The following BRAP variants were observed in gnomAD, a reference collection of about 807,000 sequenced individuals.
BRAP encodes BRCA1-associated protein.
Under a neutral mutation model 73.4 loss-of-function variants are expected in BRAP, and 42 were observed. The ratio of observed to expected loss-of-function variants is 0.57; its 90% CI spans 0.45 to 0.74. The LOEUF is 0.74. Ranked by LOEUF, BRAP falls within the 30% of genes least tolerant of loss-of-function variation. BRAP has a pLI of 0.00. For missense variants in BRAP, 593 were observed against 751.4 expected, an observed-to-expected ratio of 0.79 and a Z score of 2.46; for synonymous variants, 255 against 267.4, an observed-to-expected ratio of 0.95 and a Z score of 0.45.
intron 2 of BRAP, among the ~76,000 whole-genome samples, chr12:111,682,409 G>A (rs1215083953): frequency 6.7e-6 from 1 of 148,854 alleles, no homozygotes; most frequent in Non-Finnish European, 1.5e-5. Flanking sequence ...GAGAGAGGAA[G>A]GAGAATTGCT....
In BRAP at chr12:111,683,147, T is replaced by C; in HGVS notation, c.243A>G (p.Pro81=). 1 of 1,612,620 alleles carries C rather than the reference T, an allele frequency of 6.2e-7. No homozygotes were observed. Among genetic ancestry groups the C allele is most frequent in the South Asian group, 1.1e-5 (1 of 90,700 alleles). The change falls in exon 2 of 12, where the codon CCA becomes CCG. Residue 81 remains proline (P), a splice_region_variant and synonymous_variant. Coordinates refer to ENST00000419234, the MANE Select transcript of BRAP (RefSeq NM_006768.5). The part of the protein sequence containing the change: ...DVIIETMKSN[P]DELKTTVEER... ...AGTCCAGGGTTTTAGAAAGCATACCTGGGTTGGACTTCATGGTCTCAATGA... is the reference window on the plus strand; with the variant it reads ...AGTCCAGGGTTTTAGAAAGCATACCCGGGTTGGACTTCATGGTCTCAATGA...
intron 4 of BRAP, among the ~76,000 whole-genome samples, chr12:111,675,808 T>C (rs1167614811): frequency 6.6e-6 from 1 of 152,010 alleles, no homozygotes; most frequent in Non-Finnish European, 1.5e-5. Flanking sequence ...AGAACATACC[T>C]CTACTTCTCC....
Position 111,685,820 on chromosome 12 carries a change from CGGCGG to C in BRAP, c.-33_-29del. On this transcript the variant is annotated 5_prime_UTR_variant, in exon 1 of 12. Transcript: ENST00000419234. ...GGCAGGCGCTGGCCGGCGCGGGCCC[CGGCGG>C]GCTCAGGCGAGGCTGGAAGGCGAGC... 7.0e-7 allele frequency: 1 copy of C among 1,438,356 alleles called. No homozygotes were observed. Among genetic ancestry groups the C allele is most frequent in the Non-Finnish European group, 9.2e-7 (1 of 1,085,918 alleles). 89.1% of individuals were successfully genotyped at this position (1,438,356 alleles called of 1,614,324 possible).
intron 6 of BRAP, 45 bp from the exon 7 acceptor site, chr12:111,660,720 G>A: frequency 6.5e-7 from 1 of 1,547,366 alleles, no homozygotes; most frequent in Non-Finnish European, 8.7e-7. Flanking sequence ...AAATATAAAA[G>A]ACAGCTGTTA....
At position 111,659,639 on chromosome 12, in the gene BRAP, A is replaced by G. The variant is rs564464971; in HGVS notation, c.973-294T>C. Among the ~76,000 whole-genome samples the G allele has an allele frequency of 1.6e-4, 25 of 152,184 alleles. No homozygotes were observed. In the East Asian group the frequency reaches 4.1e-3, roughly 25 times the overall value. ...ACTGCACTCCAGCCTGGGTGATAAG[A>G]ACAAGACTCTGTCTTAAAACAAACA... is the stretch of plus-strand genomic sequence containing the variant. On this transcript the variant is annotated intron_variant, in intron 7 of 11. Transcript: ENST00000419234.
At chr12:111,684,262 G>A (rs1316861031) in intron 1 of BRAP, among the ~76,000 whole-genome samples, 1 of 152,156 alleles carries the variant, frequency 6.6e-6, no homozygotes, top group Non-Finnish European at 1.5e-5. Context: ...ATGAATAAAT[G>A]ACTACATGAC....
chr12:111,681,269 C>T (rs1887588868), intron 3 of BRAP, among the ~76,000 whole-genome samples: 1 of 151,654 alleles, frequency 6.6e-6, no homozygotes. Context: ...ACTTGGGAGG[C>T]TGAGGAAGGA....
At chr12:111,650,537 A>C (rs1886279272) in intron 10 of BRAP, among the ~76,000 whole-genome samples, 1 of 152,124 alleles carries the variant, frequency 6.6e-6, no homozygotes, top group Non-Finnish European at 1.5e-5. Flanking sequence ...AAATGTTGGG[A>C]TTACAGGCGT....
At chr12:111,669,219 T>C (rs989386993) in intron 5 of BRAP, among the ~76,000 whole-genome samples, 15 of 152,012 alleles carry the variant, frequency 9.9e-5, no homozygotes, top group African/African-American at 3.6e-4. Context: ...ACAATAACTA[T>C]TTGCTTCTCT....
intron 6 of BRAP, among the ~76,000 whole-genome samples, chr12:111,664,532 G>C (rs541033079): frequency 1.8e-4 from 27 of 152,316 alleles, no homozygotes; most frequent in Admixed American, 4.6e-4. Context: ...CGGAATTGGA[G>C]CAAGACTCCT....
chr12:111,662,689 T>C (rs930276713), intron 6 of BRAP, among the ~76,000 whole-genome samples: 8 of 152,172 alleles, frequency 5.3e-5, no homozygotes, highest in Non-Finnish European at 1.2e-4. Context: ...AGTCCACTTC[T>C]TCCTTTAGCA....
At chr12:111,676,416 T>C (rs1271093184) in intron 4 of BRAP, among the ~76,000 whole-genome samples, 3 of 152,000 alleles carry the variant, frequency 2.0e-5, no homozygotes, top group Non-Finnish European at 4.4e-5. Context: ...GTAAAATACA[T>C]GGCATTTTTT....
At chr12:111,644,892 G>C (rs1473727344) in intron 11 of BRAP, among the ~76,000 whole-genome samples, 1 of 151,862 alleles carries the variant, frequency 6.6e-6, no homozygotes, top group Non-Finnish European at 1.5e-5. Context: ...AAGTAGCTGG[G>C]ATTACAGGCA....
At chr12:111,680,696 A>C (rs967406267) in intron 3 of BRAP, among the ~76,000 whole-genome samples, 1 of 62,384 alleles carries the variant, frequency 1.6e-5, no homozygotes, top group African/African-American at 2.9e-4. Context: ...TGTCTCAAAA[A>C]AAAACAAAAC....
intron 9 of BRAP, 30 bp downstream of exon 9, chr12:111,658,706 G>A (rs774811700): frequency 7.2e-7 from 1 of 1,395,808 alleles, no homozygotes; most frequent in Non-Finnish European, 1.0e-6. Context: ...AGTAGAAACA[G>A]ATAGAGTGAT....
At chr12:111,644,584 C>T in intron 11 of BRAP, 22 bp from the exon 12 acceptor site, 1 of 1,605,778 alleles carries the variant, frequency 6.2e-7, no homozygotes, top group South Asian at 1.1e-5. Flanking sequence ...CAAAGGAAGA[C>T]AAAAGCACAT....
rs1013619930 is a variant in BRAP, at chr12:111,643,011, A to T, written c.*1188T>A. 1 of 152,220 alleles carries T rather than the reference A, an allele frequency of 6.6e-6. No individual in the cohort carries two copies. Among genetic ancestry groups the T allele is most frequent in the Non-Finnish European group, 1.5e-5 (1 of 68,032 alleles). The allele number at this position is 152,220 out of a possible 1,614,324, so 9.4% of individuals were successfully genotyped here. A position where few individuals can be genotyped will look rare whatever the true frequency, so the allele number is the denominator to read the frequency against. On this transcript the variant is annotated 3_prime_UTR_variant, in exon 12 of 12. Coordinates refer to ENST00000419234, the MANE Select transcript of BRAP (RefSeq NM_006768.5). ...ACTAAAACCTGTTGTTTAACAATAC[A>T]TCTTACTAACCTATCCCTCTACCTC... is the stretch of plus-strand genomic sequence containing the variant.
At position 111,672,519 on chromosome 12, in the gene BRAP, G is replaced by A. The variant is rs111555290; in HGVS notation, c.747+142C>T. The A allele has an allele frequency of 1.9e-3, 1,206 of 647,456 alleles. 1 individual carries two copies. Among genetic ancestry groups the A allele is most frequent in the Non-Finnish European group, 2.3e-3 (916 of 393,044 alleles). The allele number at this position is 647,456 out of a possible 1,614,324, so 40.1% of individuals were successfully genotyped here. ...TCCTGTTAGCAGGCACTCCCCATTC[G>A]TCTCTTCCTGCCCTGATAACCACCA... On this transcript the variant is annotated intron_variant, in intron 5 of 11. Coordinates refer to ENST00000419234, the MANE Select transcript of BRAP (RefSeq NM_006768.5).
chr12:111,678,146 G>A (rs1209356998), intron 4 of BRAP, among the ~76,000 whole-genome samples: 1 of 151,548 alleles, frequency 6.6e-6, no homozygotes, highest in Non-Finnish European at 1.5e-5. Context: ...CAGCTACTCC[G>A]GAGGCTGAGG....
Sources: allele counts gnomAD v4.1 joint callset (sites outside exome capture counted in the v4.1 genomes callset), GRCh38; gene constraint gnomAD v4.1.1; transcripts MANE v1.5; gene names NCBI Gene and HGNC (gene_info 2026-07-23, HGNC 2026-07-21).